The following TRHDE variants were observed in gnomAD, a reference collection of about 807,000 sequenced individuals.
TRHDE encodes thyrotropin-releasing hormone-degrading ectoenzyme.
In TRHDE, 72 loss-of-function variants were observed where a neutral mutation model predicts 125.7. The observed-to-expected ratio is 0.57, with a 90% CI of 0.47 to 0.70. TRHDE has a LOEUF of 0.70. TRHDE is among the 30% of genes least tolerant of loss of function. TRHDE has a pLI of 0.00. For missense variants in TRHDE, 1,110 were observed against 1,327.1 expected, an observed-to-expected ratio of 0.84 and a Z score of 2.54; for synonymous variants, 509 against 509.1, an observed-to-expected ratio of 1.00 and a Z score of 0.00.
At chr12:72,431,315 C>T (rs1874468522) in intron 3 of TRHDE, among the ~76,000 whole-genome samples, 1 of 152,106 alleles carries the variant, frequency 6.6e-6, no homozygotes. Flanking sequence ...AAAAATGCCA[C>T]AAACACCATT....
chr12:72,372,039 C>G (rs1363340710), intron 2 of TRHDE, among the ~76,000 whole-genome samples: 3 of 152,166 alleles, frequency 2.0e-5, no homozygotes, highest in Non-Finnish European at 4.4e-5. Context: ...TTCTCCACAT[C>G]CTCTCCAGCA....
intron 1 of TRHDE, among the ~76,000 whole-genome samples, chr12:72,098,362 C>G (rs1874986046): frequency 1.3e-5 from 2 of 152,146 alleles, no homozygotes; most frequent in South Asian, 4.1e-4. Flanking sequence ...AATATCACAA[C>G]TAGGACCTTG....
intron 2 of TRHDE, among the ~76,000 whole-genome samples, chr12:72,240,103 T>C (rs1227617881): frequency 6.6e-6 from 1 of 152,112 alleles, no homozygotes; most frequent in Non-Finnish European, 1.5e-5. Flanking sequence ...TATGTGTTCT[T>C]TTAACACCCC....
chr12:72,482,516 A>G (rs1233745466), intron 5 of TRHDE, among the ~76,000 whole-genome samples: 2 of 151,920 alleles, frequency 1.3e-5, no homozygotes, highest in African/African-American at 4.8e-5. Context: ...CCTAGTTACA[A>G]TGGCCATTTC....
chr12:72,123,894 T>C (rs1462156702), intron 2 of TRHDE, among the ~76,000 whole-genome samples: 1 of 152,186 alleles, frequency 6.6e-6, no homozygotes, highest in East Asian at 1.9e-4. Context: ...TGGTATTTTA[T>C]ATAAAAGGAA....
At chr12:72,336,697 C>T (rs143286214) in intron 2 of TRHDE, among the ~76,000 whole-genome samples, 7 of 152,290 alleles carry the variant, frequency 4.6e-5, no homozygotes, top group African/African-American at 1.7e-4. Flanking sequence ...TGTGTCATCC[C>T]ATGGCAGAAA....
intron 5 of TRHDE, among the ~76,000 whole-genome samples, chr12:72,475,436 G>C (rs1274747790): frequency 6.6e-6 from 1 of 152,074 alleles, no homozygotes; most frequent in African/African-American, 2.4e-5. Context: ...ATGCATCTTA[G>C]ATTTAAAAGT....
At chr12:72,473,030 T>G (rs1431291602) in intron 4 of TRHDE, 37 bp from the exon 5 acceptor site, 1 of 1,462,930 alleles carries the variant, frequency 6.8e-7, no homozygotes, top group Non-Finnish European at 9.6e-7. Flanking sequence ...GGGATAGATT[T>G]TATTTTATTT....
At chr12:72,472,994 C>A in intron 4 of TRHDE, 73 bp from the exon 5 acceptor site, 2 of 1,131,632 alleles carry the variant, frequency 1.8e-6, no homozygotes, top group South Asian at 1.3e-5. Flanking sequence ...TAGTTTAATA[C>A]ATGTAATTTT....
intron 7 of TRHDE, among the ~76,000 whole-genome samples, chr12:72,544,206 T>C (rs995467790): frequency 6.6e-6 from 1 of 151,488 alleles, no homozygotes; most frequent in Admixed American, 6.6e-5. Flanking sequence ...AGTAGATCCC[T>C]ACATCTAGGT....
intron 15 of TRHDE, among the ~76,000 whole-genome samples, chr12:72,637,971 G>A (rs1873842531): frequency 6.6e-6 from 1 of 152,024 alleles, no homozygotes; most frequent in Admixed American, 6.6e-5. Flanking sequence ...TGAAAAAAAT[G>A]TATATTCTGT....
At chr12:72,586,754 AAAC>A (rs1871456351) in intron 12 of TRHDE, among the ~76,000 whole-genome samples, 2 of 151,826 alleles carry the variant, frequency 1.3e-5, no homozygotes, top group Non-Finnish European at 2.9e-5. Flanking sequence ...AATTCAGTAT[AAAC>A]TCTCCAGGAC....
chr12:72,415,419 A>G (rs1873690418), intron 3 of TRHDE, among the ~76,000 whole-genome samples: 1 of 152,044 alleles, frequency 6.6e-6, no homozygotes, highest in Non-Finnish European at 1.5e-5. Context: ...GAAATATACA[A>G]CACATTATTA....
At chr12:72,489,698 C>T (rs770125401) in intron 5 of TRHDE, among the ~76,000 whole-genome samples, 5 of 151,642 alleles carry the variant, frequency 3.3e-5, no homozygotes, top group South Asian at 2.1e-4. Flanking sequence ...CAAATATATA[C>T]GCTCTGGTAA....
intron 2 of TRHDE, among the ~76,000 whole-genome samples, chr12:72,295,545 A>G (rs1253937998): frequency 6.6e-6 from 1 of 152,050 alleles, no homozygotes; most frequent in Non-Finnish European, 1.5e-5. Context: ...TGGACTGACT[A>G]CAATAGGAAG....
chr12:72,639,549 C>A (rs1011286567), intron 15 of TRHDE, among the ~76,000 whole-genome samples: 2 of 152,182 alleles, frequency 1.3e-5, no homozygotes, highest in African/African-American at 4.8e-5. Context: ...TGGTGAGGAA[C>A]TGCGTTCCTT....
Position 72,418,883 on chromosome 12 carries a change from A to T in TRHDE, c.1315+40762A>T, listed in dbSNP as rs1013678640. Among the ~76,000 whole-genome samples the T allele has an allele frequency of 3.9e-5, 6 of 152,122 alleles. No homozygotes were observed. The East Asian group carries it at 1.2e-3, about 29-fold the overall frequency. On this transcript the variant is annotated intron_variant, in intron 3 of 18. Transcript: ENST00000261180. ...ACATTGCTGTGTTCTGTGCATTTTG[A>T]TGCTAAAGAAGAAGAGAAGGCTTCA...
At chr12:72,565,795 C>T (rs117265948) in intron 9 of TRHDE, among the ~76,000 whole-genome samples, 2,225 of 151,906 alleles carry the variant, frequency 0.015, 29 homozygotes, top group Non-Finnish European at 0.026. Context: ...ATAAAAGTTG[C>T]TTTATTATAA....
At chr12:72,428,857 G>T (rs1874301852) in intron 3 of TRHDE, among the ~76,000 whole-genome samples, 1 of 152,044 alleles carries the variant, frequency 6.6e-6, no homozygotes, top group Admixed American at 6.6e-5. Context: ...CATTCAATAT[G>T]TGGTTTTGGT....
Sources: allele counts gnomAD v4.1 joint callset (sites outside exome capture counted in the v4.1 genomes callset), GRCh38; gene constraint gnomAD v4.1.1; transcripts MANE v1.5; gene names NCBI Gene and HGNC (gene_info 2026-07-23, HGNC 2026-07-21).